The following RIPOR3 variants were observed in gnomAD, a reference collection of about 807,000 sequenced individuals.
The protein encoded by RIPOR3 is family with sequence similarity 65 member C.
A neutral mutation model predicts 114.3 loss-of-function variants in RIPOR3; 95 were observed. That is an observed-to-expected ratio of 0.83 (90% CI 0.70 to 0.99). The LOEUF is 0.99. RIPOR3 is among the 50% of genes least tolerant of loss of function. RIPOR3 has a pLI of 0.00. For missense variants in RIPOR3, 1,252 were observed against 1,266.9 expected (o/e 0.99, Z 0.18); for synonymous variants, 575 against 543.8 (o/e 1.06, Z -0.80).
intron 4 of RIPOR3, among the ~76,000 whole-genome samples, chr20:50,612,118 C>G (rs1429573884): frequency 6.9e-6 from 1 of 145,430 alleles, no homozygotes; most frequent in Non-Finnish European, 1.5e-5. Context: ...GAGCGAGACT[C>G]CATCTCAAAA....
intron 2 of RIPOR3, among the ~76,000 whole-genome samples, chr20:50,626,001 G>A (rs1044727569): frequency 6.6e-6 from 1 of 152,248 alleles, no homozygotes; most frequent in African/African-American, 2.4e-5. Flanking sequence ...AGGTGGTGAT[G>A]GGAAGAGAAG....
chr20:50,613,289 T>C (rs1217615878), intron 4 of RIPOR3, among the ~76,000 whole-genome samples: 1 of 151,162 alleles, frequency 6.6e-6, no homozygotes, highest in Non-Finnish European at 1.5e-5. Flanking sequence ...CTCTACTAAA[T>C]AAAAAATACA....
chr20:50,643,955 C>G (rs189972479), intron 1 of RIPOR3, among the ~76,000 whole-genome samples: 1 of 151,984 alleles, frequency 6.6e-6, no homozygotes, highest in East Asian at 1.9e-4. Context: ...CCTCGTGATC[C>G]GCCCACCTCA....
At chr20:50,668,023 T>G (rs2123502979) in intron 1 of RIPOR3, among the ~76,000 whole-genome samples, 1 of 152,114 alleles carries the variant, frequency 6.6e-6, no homozygotes, top group South Asian at 2.1e-4. Context: ...CTCATGAGAC[T>G]GGGGCAGGGG....
chr20:50,620,880 G>T, intron 2 of RIPOR3: 1 of 701,140 alleles, frequency 1.4e-6, no homozygotes, highest in East Asian at 2.9e-5. Context: ...GAGTTTGTGC[G>T]GGACATGATC....
chr20:50,609,728 G>C lies in RIPOR3; in HGVS notation c.427-6C>G. On this transcript the variant is annotated splice_polypyrimidine_tract_variant and splice_region_variant and intron_variant, in intron 6 of 21. Coordinates refer to ENST00000327979, the MANE Select transcript of RIPOR3 (RefSeq NM_001290268.2). ...TCCTCGTACAGCTCATCCACCTGTG[G>C]TGGGCACACGGGCTGGTGGCGCTGC... The C allele has an allele frequency of 7.3e-7, 1 of 1,367,716 alleles. No homozygotes were observed. Among genetic ancestry groups the C allele is most frequent in the Non-Finnish European group, 9.5e-7 (1 of 1,057,976 alleles). The allele number at this position is 1,367,716 out of a possible 1,614,324, so 84.7% of individuals were successfully genotyped here. A position where few individuals can be genotyped will look rare whatever the true frequency, so the allele number is the denominator to read the frequency against.
intron 2 of RIPOR3, among the ~76,000 whole-genome samples, chr20:50,630,177 AG>A (rs1264350328): frequency 6.6e-6 from 1 of 152,152 alleles, no homozygotes; most frequent in Non-Finnish European, 1.5e-5. Flanking sequence ...CGTGTTGGCC[AG>A]GGTGGTCTCC....
chr20:50,614,711 G>C (rs570912457), intron 4 of RIPOR3: 2 of 170,094 alleles, frequency 1.2e-5, no homozygotes, highest in African/African-American at 4.8e-5. Flanking sequence ...ATGTCCCAAA[G>C]ATTACATGGG....
At chr20:50,685,322 T>G (rs1004568829) in intron 1 of RIPOR3, among the ~76,000 whole-genome samples, 1 of 150,550 alleles carries the variant, frequency 6.6e-6, no homozygotes, top group African/African-American at 2.4e-5. Flanking sequence ...GTTCAAGCGA[T>G]TCTCCTGCCT....
chr20:50,673,661 T>C (rs2123554569), intron 1 of RIPOR3, among the ~76,000 whole-genome samples: 1 of 152,270 alleles, frequency 6.6e-6, no homozygotes, highest in South Asian at 2.1e-4. Flanking sequence ...ACAGGCGTGT[T>C]AAAATGTAAA....
In RIPOR3 at chr20:50,632,796, G is replaced by A. The variant is rs541934341; in HGVS notation, c.4-1940C>T. ...TCAGAGAGGTGATGAGACTAGCCCA[G>A]GAGCCCCAGCAGGGCACCTGAGCAC... On this transcript the variant is annotated intron_variant, in intron 1 of 21. Coordinates refer to ENST00000327979, the MANE Select transcript of RIPOR3 (RefSeq NM_001290268.2). Among the ~76,000 whole-genome samples, 16 of 152,348 alleles carry A rather than the reference G, an allele frequency of 1.1e-4. No individual in the cohort carries two copies. The East Asian group carries it at 3.1e-3, about 29-fold the overall frequency.
At chr20:50,599,926 A>AGT (rs1385460427) in intron 13 of RIPOR3, among the ~76,000 whole-genome samples, 15 of 151,634 alleles carry the variant, frequency 9.9e-5, no homozygotes, top group African/African-American at 3.6e-4. Context: ...TGAGAGAGAG[A>AGT]GTCTCGCTCT....
Position 50,619,440 on chromosome 20 carries a change from C to CAA in RIPOR3, c.269+544_269+545dup, listed in dbSNP as rs11483233. ...TGGGCAACAGAGCGAGACTCCATCT[C>CAA]AAAAAAAAAAAAAAAAAAAATTTGT... On this transcript the variant is annotated intron_variant, in intron 3 of 21. Transcript: ENST00000327979. Among the ~76,000 whole-genome samples, 695 of 96,348 alleles carry CAA rather than the reference C, an allele frequency of 7.2e-3. 10 individuals are homozygous for CAA. The highest frequency in any genetic ancestry group is 0.021 in the African/African-American group (621 of 29,064). 63.2% of individuals were successfully genotyped at this position (96,348 alleles called of 152,430 possible). A position where few individuals can be genotyped will look rare whatever the true frequency, so the allele number is the denominator to read the frequency against.
chr20:50,643,042 C>T (rs2085262763), intron 1 of RIPOR3, among the ~76,000 whole-genome samples: 1 of 151,740 alleles, frequency 6.6e-6, no homozygotes, highest in Non-Finnish European at 1.5e-5. Context: ...GACCGAAACT[C>T]CATCTCAAAA....
At chr20:50,663,921 CTCTCTT>C (rs1358437199) in intron 1 of RIPOR3, among the ~76,000 whole-genome samples, 2 of 129,542 alleles carry the variant, frequency 1.5e-5, no homozygotes, top group African/African-American at 2.9e-5. Context: ...TTCTCTCTCT[CTCTCTT>C]TTTTTTTTTT....
At chr20:50,593,999 A>C (rs1043308882) in intron 17 of RIPOR3, among the ~76,000 whole-genome samples, 1 of 152,088 alleles carries the variant, frequency 6.6e-6, no homozygotes, top group Non-Finnish European at 1.5e-5. Context: ...GGCCGGGCGC[A>C]GTGGCTCATG....
chr20:50,663,796 T>A (rs1424341735), intron 1 of RIPOR3, among the ~76,000 whole-genome samples: 6 of 152,114 alleles, frequency 3.9e-5, no homozygotes, highest in Non-Finnish European at 8.8e-5. Flanking sequence ...ACAACCCTGA[T>A]CCCCATCCCC....
Position 50,610,192 on chromosome 20 carries a change from T to A in RIPOR3, c.427-470A>T, listed in dbSNP as rs1390816414. The stretch of plus-strand genomic sequence containing the variant: ...CTGTCTCACCTGCCTCTCCTGCCTC[T>A]CCTGCCACCCCTGCCAACCCTGTCT... On this transcript the variant is annotated intron_variant, in intron 6 of 21. Transcript: ENST00000327979. Among the ~76,000 whole-genome samples the A allele has an allele frequency of 3.5e-3, 347 of 100,028 alleles. 2 individuals carry two copies. Among genetic ancestry groups the A allele is most frequent in the African/African-American group, 0.011 (294 of 26,808 alleles). The allele number at this position is 100,028 out of a possible 152,430, so 65.6% of individuals were successfully genotyped here.
chr20:50,691,482 C>G lies in RIPOR3; in HGVS notation c.-354G>C, dbSNP rs1360103173. The G allele has an allele frequency of 9.2e-6, 2 of 216,330 alleles. No homozygotes were observed. Among genetic ancestry groups the G allele is most frequent in the African/African-American group, 4.7e-5 (2 of 42,764 alleles). 13.4% of individuals were successfully genotyped at this position (216,330 alleles called of 1,614,324 possible). On this transcript the variant is annotated 5_prime_UTR_variant, in exon 1 of 22. Transcript: ENST00000327979. ...GGGCCCCCCAGCCGGCCCCGCTCCC[C>G]CCGGATGCCGCCTGCTGCTCTGGAC...
Sources: gnomAD v4.1 joint callset for allele counts (sites outside exome capture counted in the v4.1 genomes callset) on GRCh38, gnomAD v4.1.1 for gene constraint, MANE v1.5 for transcripts, NCBI Gene and HGNC (gene_info 2026-07-23, HGNC 2026-07-21) for gene names.